The following CCNY variants were observed in gnomAD, a reference collection of about 807,000 sequenced individuals.
The protein encoded by CCNY is cyclin-Y.
In CCNY, 19 loss-of-function variants were observed where a neutral mutation model predicts 42.8. That is an observed-to-expected ratio of 0.44 (90% CI 0.31 to 0.65). The LOEUF is 0.65. Ranked by LOEUF, CCNY falls within the 30% of genes least tolerant of loss-of-function variation. The pLI, the probability that CCNY is intolerant of heterozygous loss-of-function variation, is 0.07. For missense variants in CCNY, 370 were observed against 437.3 expected, an observed-to-expected ratio of 0.85 and a Z score of 1.37; for synonymous variants, 165 against 162.7, an observed-to-expected ratio of 1.01 and a Z score of -0.11.
At chr10:35,428,688 T>C (rs1223171062) in intron 1 of CCNY, among the ~76,000 whole-genome samples, 1 of 151,510 alleles carries the variant, frequency 6.6e-6, no homozygotes, top group Non-Finnish European at 1.5e-5. Context: ...TGAGACTGGA[T>C]ATGTGGGGAG....
chr10:35,309,960 C>A (rs1417021098), intron 3 of CCNY, among the ~76,000 whole-genome samples: 1 of 152,068 alleles, frequency 6.6e-6, no homozygotes, highest in Non-Finnish European at 1.5e-5. Flanking sequence ...GCCACCATGC[C>A]CAGCTAATTT....
intron 1 of CCNY, among the ~76,000 whole-genome samples, chr10:35,389,818 A>G (rs1199926872): frequency 1.3e-5 from 2 of 152,206 alleles, no homozygotes; most frequent in African/African-American, 2.4e-5. Context: ...GCCAAGTTCA[A>G]TTCTTCATGC....
chr10:35,388,627 TAAATA>T (rs1342459711), intron 1 of CCNY, among the ~76,000 whole-genome samples: 4 of 152,250 alleles, frequency 2.6e-5, no homozygotes, highest in Non-Finnish European at 4.4e-5. Flanking sequence ...TTTTGACATA[TAAATA>T]ATTGCATTTT....
intron 1 of CCNY, among the ~76,000 whole-genome samples, chr10:35,347,014 TC>T (rs2135130407): frequency 1.3e-5 from 2 of 152,394 alleles, no homozygotes; most frequent in East Asian, 3.9e-4. Flanking sequence ...AGAGGCAGTT[TC>T]ATAAAAGAAA....
intron 3 of CCNY, among the ~76,000 whole-genome samples, chr10:35,284,708 T>C (rs1835334752): frequency 6.6e-6 from 1 of 152,134 alleles, no homozygotes. Flanking sequence ...AAGCTCAGGC[T>C]ATTGATTTAA....
intron 1 of CCNY, among the ~76,000 whole-genome samples, chr10:35,396,116 A>G (rs1469414615): frequency 6.6e-6 from 1 of 152,168 alleles, no homozygotes; most frequent in African/African-American, 2.4e-5. Flanking sequence ...GGCGTTTTGC[A>G]CATAGCAGGT....
chr10:35,523,216 G>A (rs1840584441), intron 4 of CCNY, among the ~76,000 whole-genome samples: 1 of 152,184 alleles, frequency 6.6e-6, no homozygotes, highest in East Asian at 1.9e-4. Flanking sequence ...AGACACAGCT[G>A]CAAGCAGTTG....
At chr10:35,406,516 G>A (rs1224835546) in intron 1 of CCNY, among the ~76,000 whole-genome samples, 5 of 152,080 alleles carry the variant, frequency 3.3e-5, no homozygotes, top group Non-Finnish European at 7.4e-5. Flanking sequence ...AGTGGACACA[G>A]CACATGTTTC....
At chr10:35,489,319 G>C (rs188915750) in intron 2 of CCNY, among the ~76,000 whole-genome samples, 2 of 150,720 alleles carry the variant, frequency 1.3e-5, no homozygotes, top group East Asian at 4.0e-4. Flanking sequence ...TTTTGTTTTT[G>C]AGACGGAGTC....
chr10:35,549,298 T>G (rs1180351527), intron 7 of CCNY, among the ~76,000 whole-genome samples: 2 of 152,042 alleles, frequency 1.3e-5, no homozygotes, highest in Non-Finnish European at 2.9e-5. Flanking sequence ...GGATGAGGGG[T>G]GGGGGGTTCT....
intron 1 of CCNY, among the ~76,000 whole-genome samples, chr10:35,396,036 G>A (rs1353188486): frequency 1.3e-5 from 2 of 151,928 alleles, no homozygotes; most frequent in Non-Finnish European, 2.9e-5. Context: ...CCCTCTTTTT[G>A]CCTCTGTGAA....
chr10:35,477,647 A>G (rs1252814895), intron 1 of CCNY, among the ~76,000 whole-genome samples: 4 of 149,718 alleles, frequency 2.7e-5, no homozygotes. Flanking sequence ...TCAAAATAAT[A>G]AGAGCTATCT....
intron 1 of CCNY, among the ~76,000 whole-genome samples, chr10:35,372,824 C>T (rs1363570356): frequency 6.6e-5 from 10 of 152,242 alleles, no homozygotes; most frequent in Non-Finnish European, 8.8e-5. Context: ...CTCAGCCTCC[C>T]GAGCAGCTGG....
intron 1 of CCNY, among the ~76,000 whole-genome samples, chr10:35,375,548 A>G (rs545967513): frequency 2.0e-5 from 3 of 152,322 alleles, no homozygotes; most frequent in African/African-American, 7.2e-5. Flanking sequence ...GTTATGGGGA[A>G]ATGTTCTAAG....
intron 1 of CCNY, among the ~76,000 whole-genome samples, chr10:35,468,095 G>A (rs1159018820): frequency 6.6e-6 from 1 of 152,212 alleles, no homozygotes; most frequent in Non-Finnish European, 1.5e-5. Flanking sequence ...TTACAGTTCA[G>A]GAAGCTGGTA....
At chr10:35,443,942 A>G (rs111522081) in intron 1 of CCNY, among the ~76,000 whole-genome samples, 1,588 of 152,306 alleles carry the variant, frequency 0.01, 23 homozygotes, top group African/African-American at 0.036. Flanking sequence ...ATTCCAGCCA[A>G]TGGAAACTGG....
chr10:35,340,269 G>C (rs1258343228), intron 1 of CCNY, among the ~76,000 whole-genome samples: 1 of 152,172 alleles, frequency 6.6e-6, no homozygotes, highest in Non-Finnish European at 1.5e-5. Context: ...CTGGGATAGG[G>C]TGTCTTGTCA....
intron 4 of CCNY, among the ~76,000 whole-genome samples, chr10:35,523,497 C>A (rs1206823500): frequency 6.6e-6 from 1 of 152,184 alleles, no homozygotes; most frequent in Admixed American, 6.5e-5. Flanking sequence ...TGGAGCTGTA[C>A]TGTGCCTGAA....
intron 3 of CCNY, among the ~76,000 whole-genome samples, chr10:35,268,044 C>T (rs540212736): frequency 3.9e-5 from 6 of 152,200 alleles, no homozygotes; most frequent in African/African-American, 1.2e-4. Flanking sequence ...CCTGCCTCAG[C>T]CTCCCAAGTA....
Sources: allele counts gnomAD v4.1 joint callset (sites outside exome capture counted in the v4.1 genomes callset), GRCh38; gene constraint gnomAD v4.1.1; transcripts MANE v1.5; gene names NCBI Gene and HGNC (gene_info 2026-07-23, HGNC 2026-07-21).